Variants in ATP8A2 observed in about 807,000 individuals in gnomAD.
The protein encoded by ATP8A2 is ATPase phospholipid transporting 8A2.
A neutral mutation model predicts 165.6 loss-of-function variants in ATP8A2; 100 were observed. The ratio of observed to expected loss-of-function variants is 0.60; its 90% confidence interval spans 0.51 to 0.71. The LOEUF is 0.71. ATP8A2 is among the 30% of genes least tolerant of loss of function. The pLI, the probability that ATP8A2 is intolerant of heterozygous loss-of-function variation, is 0.00. For missense variants in ATP8A2, 1,227 were observed against 1,479.5 expected (o/e 0.83, Z 2.80); for synonymous variants, 543 against 548.8 (o/e 0.99, Z 0.15).
chr13:25,887,280 A>T (rs764351076), intron 33 of ATP8A2, among the ~76,000 whole-genome samples: 1 of 152,172 alleles, frequency 6.6e-6, no homozygotes, highest in African/African-American at 2.4e-5. Context: ...CTACTTCTAT[A>T]AAAAGTTTAC....
At chr13:25,470,691 C>T (rs142193121) in intron 2 of ATP8A2, among the ~76,000 whole-genome samples, 5 of 152,070 alleles carry the variant, frequency 3.3e-5, no homozygotes, top group African/African-American at 7.2e-5. Context: ...TGTGAATAGC[C>T]CCAAAGTAGA....
chr13:25,485,506 T>C (rs1025021650), intron 2 of ATP8A2, among the ~76,000 whole-genome samples: 11 of 152,228 alleles, frequency 7.2e-5, no homozygotes, highest in Non-Finnish European at 5.9e-5. Flanking sequence ...CGCTTATAAT[T>C]CACTGGGCCT....
At position 25,682,764 on chromosome 13, in the gene ATP8A2, T is replaced by C. The variant is rs571150922; in HGVS notation, c.2212-16409T>C. On this transcript the variant is annotated intron_variant, in intron 24 of 36. Coordinates refer to ENST00000381655, the MANE Select transcript of ATP8A2 (RefSeq NM_016529.6). ...TTTACAACAACATTAAAGCATCCCC[T>C]GAACTCCCCACCCCGCCTGCCCCAG... 7.4e-4 allele frequency among the ~76,000 whole-genome samples: 112 copies of C among 152,278 alleles called. 1 individual carries two copies. The highest frequency in any genetic ancestry group is 2.0e-3 in the African/African-American group (83 of 41,560).
At chr13:25,648,248 TG>T (rs2041726528) in intron 24 of ATP8A2, among the ~76,000 whole-genome samples, 1 of 152,220 alleles carries the variant, frequency 6.6e-6, no homozygotes, top group East Asian at 1.9e-4. Flanking sequence ...TTCATCTCTA[TG>T]ATTTCTTTCT....
intron 35 of ATP8A2, among the ~76,000 whole-genome samples, chr13:26,006,494 A>G (rs1341303169): frequency 6.6e-6 from 1 of 151,922 alleles, no homozygotes; most frequent in Non-Finnish European, 1.5e-5. Context: ...ATTTGGATGT[A>G]TTTTATTTCT....
intron 6 of ATP8A2, among the ~76,000 whole-genome samples, chr13:25,537,023 G>C (rs899507793): frequency 2.0e-5 from 3 of 152,196 alleles, no homozygotes; most frequent in African/African-American, 7.2e-5. Context: ...AGTTAGGCTT[G>C]CCTGATTTGA....
At chr13:25,450,607 C>A (rs2035192533) in intron 1 of ATP8A2, among the ~76,000 whole-genome samples, 1 of 152,110 alleles carries the variant, frequency 6.6e-6, no homozygotes, top group Admixed American at 6.5e-5. Flanking sequence ...TCTCGGCTCA[C>A]TGCAAGCTCC....
At chr13:25,602,903 C>T (rs2040424204) in intron 24 of ATP8A2, among the ~76,000 whole-genome samples, 1 of 152,022 alleles carries the variant, frequency 6.6e-6, no homozygotes, top group East Asian at 2.0e-4. Flanking sequence ...AATCCTGTCT[C>T]AACTAAAAAT....
chr13:25,603,906 A>G (rs1004793003), intron 24 of ATP8A2, among the ~76,000 whole-genome samples: 7 of 152,224 alleles, frequency 4.6e-5, no homozygotes, highest in African/African-American at 1.7e-4. Flanking sequence ...TGTTTGGGAA[A>G]TCAGGGGAAA....
At chr13:25,951,386 C>T (rs1955354394) in intron 33 of ATP8A2, among the ~76,000 whole-genome samples, 1 of 152,172 alleles carries the variant, frequency 6.6e-6, no homozygotes, top group Admixed American at 6.5e-5. Flanking sequence ...AAGCCAGATT[C>T]AACAGAACTG....
chr13:25,405,344 C>A (rs752320086), intron 1 of ATP8A2, among the ~76,000 whole-genome samples: 4 of 152,152 alleles, frequency 2.6e-5, no homozygotes, highest in Non-Finnish European at 5.9e-5. Context: ...TGGGATCTAC[C>A]GCATATGATG....
At chr13:25,513,981 A>AGAGGGC (rs1555287146) in intron 2 of ATP8A2, among the ~76,000 whole-genome samples, 3 of 54,888 alleles carry the variant, frequency 5.5e-5, no homozygotes, top group African/African-American at 2.6e-4. Context: ...GGGGAGTGGG[A>AGAGGGC]GAGGGGGAGG....
rs183889134 is a variant in ATP8A2 at position 25,551,442 on chromosome 13, G to T, written c.996G>T (p.Ser332=). ...GILLVMALVS[S]AGALYWNRSH... is the part of the protein sequence containing the mutation. The stretch of plus-strand genomic sequence containing the variant: ...TCTTGGTCATGGCCTTGGTGAGCTC[G>T]GCGGGGGCCCTGTACTGGAACAGGT... The change falls in exon 11 of 37, where the codon TCG becomes TCT. Residue 332 remains serine, a synonymous_variant. Transcript: ENST00000381655. 6.2e-7 allele frequency: 1 copy of T among 1,613,980 alleles called. No homozygotes were observed. The highest frequency in any genetic ancestry group is 1.3e-5 in the African/African-American group (1 of 74,924).
intron 35 of ATP8A2, among the ~76,000 whole-genome samples, chr13:25,998,444 T>C (rs902544155): frequency 6.6e-6 from 1 of 152,180 alleles, no homozygotes; most frequent in Admixed American, 6.5e-5. Flanking sequence ...GGGCCACCTT[T>C]TTCTCTGGGG....
chr13:25,992,957 C>T (rs1465206478), intron 35 of ATP8A2, among the ~76,000 whole-genome samples: 5 of 145,372 alleles, frequency 3.4e-5, no homozygotes, highest in South Asian at 4.5e-4. Context: ...TTTGTTCTTG[C>T]GATAGTTTAC....
chr13:25,776,992 G>A (rs1411764495), intron 27 of ATP8A2, among the ~76,000 whole-genome samples: 1 of 151,590 alleles, frequency 6.6e-6, no homozygotes, highest in African/African-American at 2.4e-5. Flanking sequence ...TACTTCAAGT[G>A]GGCTGAGTCT....
chr13:25,637,488 C>G (rs986589269), intron 24 of ATP8A2, among the ~76,000 whole-genome samples: 1 of 152,192 alleles, frequency 6.6e-6, no homozygotes, highest in Non-Finnish European at 1.5e-5. Flanking sequence ...GAGGGTCCCA[C>G]GCCCACAGAG....
intron 1 of ATP8A2, among the ~76,000 whole-genome samples, chr13:25,422,763 TGAG>T: frequency 6.6e-6 from 1 of 152,152 alleles, no homozygotes; most frequent in East Asian, 1.9e-4. Context: ...AAGGAAAAAA[TGAG>T]GAGGCTTACA....
Position 25,682,486 on chromosome 13 carries a change from T to C in ATP8A2, c.2212-16687T>C, listed in dbSNP as rs565813339. 4.4e-4 allele frequency among the ~76,000 whole-genome samples: 67 copies of C among 152,314 alleles called. 2 individuals carry two copies. The South Asian group carries it at 0.014, about 31-fold the overall frequency. ...TTCTCCTCATCTGTCATGAAGACTC[T>C]TAAAGCTCATACGAGAGTAATTTTC... On this transcript the variant is annotated intron_variant, in intron 24 of 36. Coordinates refer to ENST00000381655, the MANE Select transcript of ATP8A2 (RefSeq NM_016529.6).
Sources: allele counts gnomAD v4.1 joint callset (sites outside exome capture counted in the v4.1 genomes callset), GRCh38; gene constraint gnomAD v4.1.1; transcripts MANE v1.5; gene names NCBI Gene and HGNC (gene_info 2026-07-23, HGNC 2026-07-21).